The following LIPG variants were observed in gnomAD, a reference collection of about 807,000 sequenced individuals.
The protein encoded by LIPG is endothelial lipase.
A neutral mutation model predicts 51.8 loss-of-function variants in LIPG; 34 were observed. The observed-to-expected ratio is 0.66, with a 90% CI of 0.50 to 0.87. The LOEUF (loss-of-function observed/expected upper bound fraction) is 0.87. LIPG is among the 40% of genes least tolerant of loss of function. LIPG has a pLI of 0.00. For synonymous variants in LIPG, 246 were observed against 246.1 expected (o/e 1.00, Z 0.00); for missense variants, 580 against 652.7 (o/e 0.89, Z 1.21).
Position 49,590,797 on chromosome 18 carries a change from G to A in LIPG, c.*275G>A, listed in dbSNP as rs990207327. 5.4e-6 allele frequency: 3 copies of A among 557,564 alleles called. No individual in the cohort carries two copies. The highest frequency in any genetic ancestry group is 9.7e-6 in the Non-Finnish European group (3 of 309,504). The allele number at this position is 557,564 out of a possible 1,614,324, so 34.5% of individuals were successfully genotyped here. A position where few individuals can be genotyped will look rare whatever the true frequency, so the allele number is the denominator to read the frequency against. ...AGTCCAGATTTGTGTGTAAGCAGCT[G>A]GGTGCCTGGGGCCTCTCGTGCACAC... is the stretch of plus-strand genomic sequence containing the variant. On this transcript the variant is annotated 3_prime_UTR_variant, in exon 10 of 10. Transcript: ENST00000261292.
upstream of LIPG, chr18:49,561,625 C>T (rs2084550386): frequency 3.3e-6 from 4 of 1,202,070 alleles, no homozygotes; most frequent in Admixed American, 1.3e-4. Flanking sequence ...CCGACGGACT[C>T]CCGGCCCAGG....
Position 49,592,935 on chromosome 18 carries a change from T to TG in LIPG, c.*2413_*2414insG, listed in dbSNP as rs2084960189. On this transcript the variant is annotated 3_prime_UTR_variant, in exon 10 of 10. Coordinates refer to ENST00000261292, the MANE Select transcript of LIPG (RefSeq NM_006033.4). ...GGTCTGACAACTCAATTTTTTTTTT[T>TG]TTTTTTTTTTTTTTTGAGACAGAGC... is the stretch of plus-strand genomic sequence containing the variant. 1 of 142,342 alleles carries TG rather than the reference T, an allele frequency of 7.0e-6. No homozygotes were observed. The highest frequency in any genetic ancestry group is 2.4e-4 in the South Asian group (1 of 4,212). The allele number at this position is 142,342 out of a possible 1,614,324, so 8.8% of individuals were successfully genotyped here. A position where few individuals can be genotyped will look rare whatever the true frequency, so the allele number is the denominator to read the frequency against.
chr18:49,581,208 G>T (rs1056310266), intron 5 of LIPG, among the ~76,000 whole-genome samples: 1 of 152,118 alleles, frequency 6.6e-6, no homozygotes, highest in African/African-American at 2.4e-5. Flanking sequence ...TGCTGTGAGC[G>T]GGGGGTCGTG....
chr18:49,582,576 C>T lies in LIPG; in HGVS notation c.1157+94C>T, dbSNP rs185336830. ...AGGGAGCGTGTGAACGAGTACAGCA[C>T]GCAGGAGAGTGCAGTCCGACTGCTC... On this transcript the variant is annotated intron_variant, in intron 7 of 9. Coordinates refer to ENST00000261292, the MANE Select transcript of LIPG (RefSeq NM_006033.4). 43 of 1,532,576 alleles carry T rather than the reference C, an allele frequency of 2.8e-5. 1 individual carries two copies. The highest frequency in any genetic ancestry group is 9.0e-5 in the East Asian group (4 of 44,306). 94.9% of individuals were successfully genotyped at this position (1,532,576 alleles called of 1,614,324 possible).
Position 49,592,311 on chromosome 18 carries a change from C to G in LIPG, c.*1789C>G, listed in dbSNP as rs918015331. 1.3e-5 allele frequency: 2 copies of G among 152,160 alleles called. No homozygotes were observed. Among genetic ancestry groups the G allele is most frequent in the Non-Finnish European group, 2.9e-5 (2 of 68,036 alleles). 9.4% of individuals were successfully genotyped at this position (152,160 alleles called of 1,614,324 possible). A position where few individuals can be genotyped will look rare whatever the true frequency, so the allele number is the denominator to read the frequency against. On this transcript the variant is annotated 3_prime_UTR_variant, in exon 10 of 10. Coordinates refer to ENST00000261292, the MANE Select transcript of LIPG (RefSeq NM_006033.4). ...AGCGAAGCTTGTACAGGTTGAGTAT[C>G]CCTTATCCAAAATGCTTGGAACCAG...
At chr18:49,582,321 A>G (rs1159481871) in intron 6 of LIPG, 41 bp from the exon 7 acceptor site, 2 of 1,613,828 alleles carry the variant, frequency 1.2e-6, no homozygotes, top group Non-Finnish European at 1.7e-6. Flanking sequence ...CTGTGATGAC[A>G]AGCAAGGGTT....
Position 49,581,477 on chromosome 18 carries a change from G to C in LIPG, c.856G>C (p.Val286Leu). The change falls in exon 6 of 10, where the codon GTG becomes CTG. Residue 286 changes from valine (V) to leucine (L), a missense_variant. Physicochemically the swap from Val to Leu is conservative, Grantham distance 32. Transcript: ENST00000261292. ...CGTCCACCTCTTTGTTGACTCTCTG[G>C]TGAATCAGGACAAGCCGAGTTTTGC... is the stretch of plus-strand genomic sequence containing the variant. ...RAVHLFVDSL[V>L]NQDKPSFAFQ... 1 of 1,614,188 alleles carries C rather than the reference G, an allele frequency of 6.2e-7. No homozygotes were observed. Among genetic ancestry groups the C allele is most frequent in the Non-Finnish European group, 8.5e-7 (1 of 1,180,040 alleles).
intron 3 of LIPG, 149 bp downstream of exon 3, chr18:49,567,770 T>C: frequency 2.7e-6 from 2 of 728,580 alleles, no homozygotes; most frequent in Non-Finnish European, 4.4e-6. Context: ...TTAAGTATTG[T>C]TTGGAATACT....
chr18:49,562,341 G>C lies in LIPG; in HGVS notation c.33G>C (p.Trp11Cys). The change falls in exon 1 of 10, where the codon TGG becomes TGC. Residue 11 changes from tryptophan (W) to cysteine (C), a missense_variant. Transcript: ENST00000261292. MSNSVPLLCF[W>C]SLCYCFAAGS... is the part of the protein sequence containing the mutation. ...ACTCCGTTCCTCTGCTCTGTTTCTGGAGCCTCTGCTATTGCTTTGCTGCGG... is the reference window on the plus strand; with the variant it reads ...ACTCCGTTCCTCTGCTCTGTTTCTGCAGCCTCTGCTATTGCTTTGCTGCGG... 6.2e-7 allele frequency: 1 copy of C among 1,613,702 alleles called. No homozygotes were observed. Among genetic ancestry groups the C allele is most frequent in the Non-Finnish European group, 8.5e-7 (1 of 1,180,026 alleles).
rs181263109 is a variant in LIPG at position 49,562,928 on chromosome 18, C to T, written c.97+523C>T. Among the ~76,000 whole-genome samples the T allele has an allele frequency of 1.3e-3, 191 of 152,294 alleles. 1 individual carries two copies. The highest frequency in any genetic ancestry group is 4.5e-3 in the African/African-American group (185 of 41,556). On this transcript the variant is annotated intron_variant, in intron 1 of 9. Transcript: ENST00000261292. ...GCTTAGAAGCTGCCGGGCCTATTCC[C>T]CCAGGTTGCCAGCCTTTTCCTCTTC...
At chr18:49,564,278 C>A (rs1171624602) in intron 1 of LIPG, among the ~76,000 whole-genome samples, 5 of 152,240 alleles carry the variant, frequency 3.3e-5, no homozygotes, top group African/African-American at 1.2e-4. Context: ...TTGATACTCT[C>A]ACTTTCTAGC....
At chr18:49,583,373 G>T (rs1309639585) in intron 7 of LIPG, among the ~76,000 whole-genome samples, 183 bp from the exon 8 acceptor site, 2 of 152,144 alleles carry the variant, frequency 1.3e-5, no homozygotes, top group African/African-American at 4.8e-5. Flanking sequence ...TGGCCCATAT[G>T]GAGTACACCT....
At position 49,583,636 on chromosome 18, in the gene LIPG, A is replaced by G; in HGVS notation, c.1238A>G (p.Gln413Arg). The G allele has an allele frequency of 6.2e-7, 1 of 1,614,212 alleles. No individual in the cohort carries two copies. Reference protein sequence around the residue: ...EEDLGDLLKIQLTWEGASQSW... With the variant: ...EEDLGDLLKIRLTWEGASQSW... Reference sequence around the variant, plus strand: ...GACTTGGGAGACCTCTTGAAGATCCAGCTCACCTGGGAGGGGGCCTCTCAG... The same window carrying G: ...GACTTGGGAGACCTCTTGAAGATCCGGCTCACCTGGGAGGGGGCCTCTCAG... The change falls in exon 8 of 10, where the codon CAG (glutamine) becomes CGG (arginine). Residue 413 changes from glutamine (Q) to arginine (R), a missense_variant. By Grantham distance (43) the Gln-to-Arg change is conservative. Coordinates refer to ENST00000261292, the MANE Select transcript of LIPG (RefSeq NM_006033.4).
intron 4 of LIPG, among the ~76,000 whole-genome samples, chr18:49,573,187 CTT>C (rs1568529330): frequency 6.6e-6 from 1 of 152,214 alleles, no homozygotes; most frequent in African/African-American, 2.4e-5. Context: ...GAGCCTCTCT[CTT>C]GTATTGATTG....
intron 7 of LIPG, 91 bp from the exon 8 acceptor site, chr18:49,583,465 G>A (rs1231525326): frequency 1.0e-6 from 1 of 992,640 alleles, no homozygotes; most frequent in East Asian, 2.4e-5. Context: ...TCCTGTCTGT[G>A]TGGGGTTGTT....
chr18:49,580,709 G>T (rs767667853), intron 5 of LIPG, among the ~76,000 whole-genome samples: 1 of 152,158 alleles, frequency 6.6e-6, no homozygotes, highest in Non-Finnish European at 1.5e-5. Flanking sequence ...TGAGCCCTGC[G>T]TGAGATGATG....
At chr18:49,561,781 A>ATC (rs1444047520), upstream of LIPG, 1 of 1,254,814 alleles carries the variant, frequency 8.0e-7, no homozygotes, top group East Asian at 3.0e-5. Context: ...GGAGAGGAGG[A>ATC]TCTGGGTGTC....
chr18:49,587,346 G>A (rs1026028216), intron 9 of LIPG, among the ~76,000 whole-genome samples: 11 of 151,514 alleles, frequency 7.3e-5, no homozygotes, highest in African/African-American at 1.2e-4. Flanking sequence ...TGAGGCAGGC[G>A]GATCACGAGG....
At position 49,591,219 on chromosome 18, in the gene LIPG, T is replaced by C. The variant is rs1211815058; in HGVS notation, c.*697T>C. The C allele has an allele frequency of 6.4e-6, 1 of 156,138 alleles. No individual in the cohort carries two copies. Among genetic ancestry groups the C allele is most frequent in the Non-Finnish European group, 1.4e-5 (1 of 70,374 alleles). The allele number at this position is 156,138 out of a possible 1,614,324, so 9.7% of individuals were successfully genotyped here. On this transcript the variant is annotated 3_prime_UTR_variant, in exon 10 of 10. Coordinates refer to ENST00000261292, the MANE Select transcript of LIPG (RefSeq NM_006033.4). ...CTCTCCATTTGGAACCCAGTGGAGT[T>C]GGGATTTCTAGACCCTCTTTCTGTT... is the stretch of plus-strand genomic sequence containing the variant.
Sources: allele counts gnomAD v4.1 joint callset (sites outside exome capture counted in the v4.1 genomes callset), GRCh38; gene constraint gnomAD v4.1.1; transcripts MANE v1.5; gene names NCBI Gene and HGNC (gene_info 2026-07-23, HGNC 2026-07-21).